DTWD2: variants seen among roughly 807,000 people sequenced by gnomAD.
DTWD2 encodes tRNA-uridine aminocarboxypropyltransferase 2.
In DTWD2, 39 loss-of-function variants were observed where a neutral mutation model predicts 31.8. The ratio of observed to expected loss-of-function variants is 1.22; its 90% CI spans 0.95 to 1.60. DTWD2 has a LOEUF of 1.60. DTWD2 is among the 40% of genes most tolerant of loss of function. DTWD2 has a pLI of 0.00. For synonymous variants in DTWD2, 180 were observed against 142.8 expected, an observed-to-expected ratio of 1.26 and a Z score of -1.86; for missense variants, 515 against 381.5, an observed-to-expected ratio of 1.35 and a Z score of -2.92.
intron 4 of DTWD2, among the ~76,000 whole-genome samples, chr5:118,868,198 C>T (rs1210572999): frequency 1.3e-5 from 2 of 151,902 alleles, no homozygotes; most frequent in South Asian, 2.1e-4. Context: ...GTCAGAAATA[C>T]GAGATACCCA....
intron 2 of DTWD2, among the ~76,000 whole-genome samples, chr5:118,943,262 A>G (rs983107381): frequency 6.6e-6 from 1 of 152,196 alleles, no homozygotes; most frequent in Non-Finnish European, 1.5e-5. Context: ...AGACTGAGAA[A>G]AAGGTTAGGC....
chr5:118,866,439 C>A (rs1470882520), intron 4 of DTWD2, among the ~76,000 whole-genome samples: 2 of 152,122 alleles, frequency 1.3e-5, no homozygotes, highest in Non-Finnish European at 2.9e-5. Context: ...TGCAAAAATT[C>A]TGCAGTCTTC....
Position 118,939,215 on chromosome 5 carries a change from G to T in DTWD2, c.385C>A (p.Arg129Ser). The T allele has an allele frequency of 6.2e-7, 1 of 1,604,290 alleles. No homozygotes were observed. Among genetic ancestry groups the T allele is most frequent in the South Asian group, 1.1e-5 (1 of 89,710 alleles). The change falls in exon 3 of 6, where the codon CGT becomes AGT. Residue 129 changes from arginine to serine, a missense_variant. Arg to Ser is a moderately radical substitution (Grantham distance 110, BLOSUM62 -1). Coordinates refer to ENST00000510708, the MANE Select transcript of DTWD2 (RefSeq NM_173666.4). ...PQDKCKVKIG[R>S]RFSEERDPEL... is the part of the protein sequence containing the mutation. ...ATTTACCTTTCTTCACTGAAGCGAC[G>T]ACCGATCTTCACTTTACACTTGTCC... is the stretch of plus-strand genomic sequence containing the variant.
intron 4 of DTWD2, among the ~76,000 whole-genome samples, chr5:118,918,750 G>A (rs1402948742): frequency 6.6e-6 from 1 of 151,668 alleles, no homozygotes; most frequent in Non-Finnish European, 1.5e-5. Context: ...CATTTTCAGA[G>A]GCCAAGGCAC....
intron 4 of DTWD2, among the ~76,000 whole-genome samples, chr5:118,888,764 C>A (rs1752919851): frequency 6.6e-6 from 1 of 152,224 alleles, no homozygotes; most frequent in Non-Finnish European, 1.5e-5. Flanking sequence ...GCTTTGCCAA[C>A]ACATGGCATG....
At chr5:118,972,248 T>C (rs1755004135) in intron 1 of DTWD2, among the ~76,000 whole-genome samples, 1 of 151,668 alleles carries the variant, frequency 6.6e-6, no homozygotes, top group Admixed American at 6.6e-5. Flanking sequence ...GAAGAAAAGG[T>C]GGAAGAATCA....
chr5:118,881,090 G>T (rs573740301), intron 4 of DTWD2, among the ~76,000 whole-genome samples: 233 of 152,198 alleles, frequency 1.5e-3, no homozygotes, highest in Non-Finnish European at 3.0e-3. Flanking sequence ...CTATTTTGGA[G>T]AAAAATACTT....
In DTWD2 at chr5:118,961,720, TA is replaced by T. The variant is rs1401770745; in HGVS notation, c.219-17072del. Among the ~76,000 whole-genome samples the T allele has an allele frequency of 2.0e-5, 3 of 152,320 alleles. No individual in the cohort carries two copies. The East Asian group carries it at 5.8e-4, about 29-fold the overall frequency. ...TATTCTCTCATCTCCTTTTCTTATCTAAAAACTGTCTATATTTTAAAACACT... is the reference window on the plus strand; with the variant it reads ...TATTCTCTCATCTCCTTTTCTTATCTAAAACTGTCTATATTTTAAAACACT... On this transcript the variant is annotated intron_variant, in intron 1 of 5. Transcript: ENST00000510708.
chr5:118,980,880 G>C (rs183977210), intron 1 of DTWD2, among the ~76,000 whole-genome samples: 1 of 152,150 alleles, frequency 6.6e-6, no homozygotes. Flanking sequence ...GTAGGAACTA[G>C]AACAGATTAT....
intron 4 of DTWD2, among the ~76,000 whole-genome samples, chr5:118,888,592 T>C (rs781390629): frequency 6.6e-6 from 1 of 152,234 alleles, no homozygotes; most frequent in Non-Finnish European, 1.5e-5. Flanking sequence ...TATAGACATA[T>C]ACTTTTCATT....
chr5:118,985,963 T>C (rs1755417081), intron 1 of DTWD2, among the ~76,000 whole-genome samples: 2 of 152,196 alleles, frequency 1.3e-5, no homozygotes, highest in Non-Finnish European at 1.5e-5. Context: ...TAGATCCTGA[T>C]ATTCAGGAGA....
chr5:118,865,166 A>G (rs867127765), intron 4 of DTWD2, among the ~76,000 whole-genome samples: 2 of 152,212 alleles, frequency 1.3e-5, no homozygotes, highest in South Asian at 4.1e-4. Flanking sequence ...TGAATTTGAG[A>G]AAAAGCATTC....
rs1459772410 is a variant in DTWD2, at chr5:118,839,782, A to G, written c.*1135T>C. 1 of 152,234 alleles carries G rather than the reference A, an allele frequency of 6.6e-6. No individual in the cohort carries two copies. The highest frequency in any genetic ancestry group is 1.5e-5 in the Non-Finnish European group (1 of 68,032). The allele number at this position is 152,234 out of a possible 1,614,324, so 9.4% of individuals were successfully genotyped here. ...GCATTCTAATTGTGACCAGCATTATACCTTTTAATGAGTCTAATCCAAGTA... is the reference window on the plus strand; with the variant it reads ...GCATTCTAATTGTGACCAGCATTATGCCTTTTAATGAGTCTAATCCAAGTA... On this transcript the variant is annotated 3_prime_UTR_variant, in exon 6 of 6. Transcript: ENST00000510708.
At chr5:118,971,459 T>C (rs1041088853) in intron 1 of DTWD2, among the ~76,000 whole-genome samples, 6 of 152,222 alleles carry the variant, frequency 3.9e-5, no homozygotes, top group Non-Finnish European at 8.8e-5. Context: ...ATGCACCCAA[T>C]ACAGTAGCAC....
intron 4 of DTWD2, among the ~76,000 whole-genome samples, chr5:118,849,556 A>G (rs1003060302): frequency 2.6e-5 from 4 of 152,218 alleles, no homozygotes; most frequent in African/African-American, 9.6e-5. Flanking sequence ...AAATCATTCT[A>G]CTATAAAGAT....
In DTWD2 at chr5:118,963,586, G is replaced by A. The variant is rs187095411; in HGVS notation, c.219-18937C>T. On this transcript the variant is annotated intron_variant, in intron 1 of 5. Transcript: ENST00000510708. ...AGGAATAAAATGAGCAGACAGACATGTTAAAAATATAAAGAACTTCATTAA... is the reference window on the plus strand; with the variant it reads ...AGGAATAAAATGAGCAGACAGACATATTAAAAATATAAAGAACTTCATTAA... 7.2e-5 allele frequency among the ~76,000 whole-genome samples: 11 copies of A among 152,252 alleles called. No homozygotes were observed. The East Asian group carries it at 1.4e-3, about 19-fold the overall frequency.
intron 1 of DTWD2, among the ~76,000 whole-genome samples, chr5:118,954,859 T>A (rs570733438): frequency 2.0e-5 from 3 of 152,304 alleles, no homozygotes; most frequent in African/African-American, 7.2e-5. Context: ...TCTAAACCTT[T>A]GAATGCTTTT....
intron 1 of DTWD2, among the ~76,000 whole-genome samples, chr5:118,954,300 C>A (rs975358125): frequency 1.3e-5 from 2 of 152,052 alleles, no homozygotes; most frequent in Admixed American, 1.3e-4. Context: ...ATCAAATCAT[C>A]CACCTTTTCT....
chr5:118,903,399 C>A (rs1753259320), intron 4 of DTWD2, among the ~76,000 whole-genome samples: 1 of 151,942 alleles, frequency 6.6e-6, no homozygotes, highest in South Asian at 2.1e-4. Context: ...TAATAAATAA[C>A]CTTCTTCACA....
Sources: gnomAD v4.1 joint callset for allele counts (sites outside exome capture counted in the v4.1 genomes callset) on GRCh38, gnomAD v4.1.1 for gene constraint, MANE v1.5 for transcripts, NCBI Gene and HGNC (gene_info 2026-07-23, HGNC 2026-07-21) for gene names.